The following TAOK3 variants were observed in gnomAD, a reference collection of about 807,000 sequenced individuals.
TAOK3 encodes TAO kinase 3.
A neutral mutation model predicts 120.4 loss-of-function variants in TAOK3; 40 were observed. The ratio of observed to expected loss-of-function variants is 0.33; its 90% CI spans 0.26 to 0.43. TAOK3 has a LOEUF of 0.43. Among genes scored for constraint, TAOK3 ranks in the 20% least tolerant of loss-of-function variants. TAOK3 has a pLI of 1.00. For synonymous variants in TAOK3, 355 were observed against 387.5 expected (o/e 0.92, Z 0.99); for missense variants, 821 against 1,112.1 (o/e 0.74, Z 3.72).
chr12:118,187,454 C>T (rs927974792), intron 14 of TAOK3, among the ~76,000 whole-genome samples: 44 of 152,068 alleles, frequency 2.9e-4, no homozygotes, highest in African/African-American at 9.9e-4. Context: ...CTCATTTATA[C>T]ACTACTGTTG....
At chr12:118,189,748 G>A in intron 14 of TAOK3, 59 bp downstream of exon 14, 2 of 1,604,964 alleles carry the variant, frequency 1.2e-6, no homozygotes, top group South Asian at 2.2e-5. Context: ...GAGGGCGAGA[G>A]GCTGCCAGAT....
intron 9 of TAOK3, among the ~76,000 whole-genome samples, chr12:118,224,413 G>T (rs1048573758): frequency 1.3e-5 from 2 of 152,224 alleles, no homozygotes; most frequent in African/African-American, 4.8e-5. Context: ...TCCAGGCAGA[G>T]AATCTATAAC....
chr12:118,355,634 G>A (rs1041926547), intron 1 of TAOK3, among the ~76,000 whole-genome samples: 3 of 152,064 alleles, frequency 2.0e-5, no homozygotes, highest in African/African-American at 7.2e-5. Context: ...TTATTATAAC[G>A]CTGATTTTAT....
chr12:118,169,320 C>T (rs181429308), intron 17 of TAOK3, among the ~76,000 whole-genome samples: 2 of 99,804 alleles, frequency 2.0e-5, no homozygotes, highest in Admixed American at 2.4e-4. Flanking sequence ...ACCCCCACCC[C>T]CCCCCCTTTT....
At chr12:118,290,875 A>C (rs928997314) in intron 1 of TAOK3, among the ~76,000 whole-genome samples, 16 of 152,086 alleles carry the variant, frequency 1.1e-4, no homozygotes, top group Non-Finnish European at 2.1e-4. Context: ...TCATATGTCA[A>C]AAGTATTAGG....
At chr12:118,327,656 T>C (rs961546601) in intron 1 of TAOK3, among the ~76,000 whole-genome samples, 2 of 152,222 alleles carry the variant, frequency 1.3e-5, no homozygotes, top group African/African-American at 4.8e-5. Flanking sequence ...GAAGAACTTC[T>C]ATAAAAATCC....
At chr12:118,351,385 T>C (rs879600963) in intron 1 of TAOK3, among the ~76,000 whole-genome samples, 1 of 152,072 alleles carries the variant, frequency 6.6e-6, no homozygotes. Context: ...TCAGCACTAG[T>C]CCAAGGCCTG....
At chr12:118,229,748 G>A (rs1425926084) in intron 9 of TAOK3, among the ~76,000 whole-genome samples, 1 of 151,914 alleles carries the variant, frequency 6.6e-6, no homozygotes, top group African/African-American at 2.4e-5. Context: ...TGGCTAACAC[G>A]ATGAAACCCC....
At chr12:118,259,479 G>T (rs1428240476) in intron 2 of TAOK3, among the ~76,000 whole-genome samples, 1 of 152,150 alleles carries the variant, frequency 6.6e-6, no homozygotes, top group Non-Finnish European at 1.5e-5. Context: ...GATCAAGGAT[G>T]CAGTGAGTCA....
intron 14 of TAOK3, among the ~76,000 whole-genome samples, chr12:118,188,631 T>C (rs191942473): frequency 1.7e-3 from 253 of 152,308 alleles, no homozygotes; most frequent in Middle Eastern, 6.8e-3. Context: ...TTATAATCCA[T>C]TATAATTTTC....
chr12:118,197,947 C>A (rs761280888), intron 13 of TAOK3, among the ~76,000 whole-genome samples: 1 of 151,982 alleles, frequency 6.6e-6, no homozygotes, highest in African/African-American at 2.4e-5. Flanking sequence ...TCGGCCATTG[C>A]GCCTGGCCTC....
At chr12:118,267,739 G>A (rs1026990442) in intron 1 of TAOK3, among the ~76,000 whole-genome samples, 1 of 151,166 alleles carries the variant, frequency 6.6e-6, no homozygotes, top group Non-Finnish European at 1.5e-5. Flanking sequence ...AAACAAACTA[G>A]CTGAGCCTGG....
chr12:118,270,915 G>C (rs1464471656), intron 1 of TAOK3, among the ~76,000 whole-genome samples: 1 of 151,728 alleles, frequency 6.6e-6, no homozygotes, highest in Non-Finnish European at 1.5e-5. Flanking sequence ...CTGACCTCGT[G>C]ATCCGCCCGC....
intron 11 of TAOK3, among the ~76,000 whole-genome samples, chr12:118,205,376 A>AG (rs1565945170): frequency 6.6e-6 from 1 of 151,772 alleles, no homozygotes; most frequent in Non-Finnish European, 1.5e-5. Context: ...CAAAAAAAAA[A>AG]AAAGAAAGAA....
chr12:118,313,079 A>G (rs1265940910), intron 1 of TAOK3, among the ~76,000 whole-genome samples: 4 of 152,184 alleles, frequency 2.6e-5, no homozygotes, highest in Non-Finnish European at 5.9e-5. Context: ...AAAGAGTTAA[A>G]AGCAAACAAA....
chr12:118,238,676 C>T (rs182630818), intron 6 of TAOK3, among the ~76,000 whole-genome samples: 2 of 151,484 alleles, frequency 1.3e-5, no homozygotes, highest in East Asian at 3.9e-4. Flanking sequence ...ACTCTGTTAC[C>T]CAGGCTGGAG....
At chr12:118,182,625 T>TATATATATATATATATA (rs35580550) in intron 14 of TAOK3, among the ~76,000 whole-genome samples, 62 of 57,072 alleles carry the variant, frequency 1.1e-3, no homozygotes, top group South Asian at 8.8e-3. Flanking sequence ...ATATATATAT[T>TATATATATATATATATA]TTTTTTTTTT....
intron 17 of TAOK3, among the ~76,000 whole-genome samples, chr12:118,162,233 T>C (rs2035267635): frequency 6.6e-6 from 1 of 152,172 alleles, no homozygotes; most frequent in Admixed American, 6.5e-5. Flanking sequence ...ACTTACAAAA[T>C]GGGCAACTTC....
chr12:118,188,071 G>C (rs531826185), intron 14 of TAOK3, among the ~76,000 whole-genome samples: 19 of 152,266 alleles, frequency 1.2e-4, no homozygotes, highest in African/African-American at 4.6e-4. Flanking sequence ...TATGATGTGG[G>C]AATGAGGGTG....
Sources: gnomAD v4.1 joint callset for allele counts (sites outside exome capture counted in the v4.1 genomes callset) on GRCh38, gnomAD v4.1.1 for gene constraint, MANE v1.5 for transcripts, NCBI Gene and HGNC (gene_info 2026-07-23, HGNC 2026-07-21) for gene names.